The following NTM variants were observed in gnomAD, a reference collection of about 807,000 sequenced individuals.
NTM encodes IgLON family member 2.
A neutral mutation model predicts 42.1 loss-of-function variants in NTM; 13 were observed. That is an observed-to-expected ratio of 0.31 (90% CI 0.20 to 0.49). The LOEUF (loss-of-function observed/expected upper bound fraction) is 0.49. Among genes scored for constraint, NTM ranks in the 20% least tolerant of loss-of-function variants. The probability of loss-of-function intolerance (pLI) is 0.99; values close to 1 mark genes in which losing one functional copy is unlikely to be tolerated. For synonymous variants in NTM, 187 were observed against 179.2 expected, an observed-to-expected ratio of 1.04 and a Z score of -0.35; for missense variants, 373 against 452.8, an observed-to-expected ratio of 0.82 and a Z score of 1.60.
intron 1 of NTM, among the ~76,000 whole-genome samples, chr11:131,780,814 G>A (rs2087949539): frequency 6.6e-6 from 1 of 152,150 alleles, no homozygotes; most frequent in Non-Finnish European, 1.5e-5. Context: ...GGAAGGTGAG[G>A]CTGTGATGGA....
At chr11:132,008,706 A>G (rs1420358338) in intron 2 of NTM, among the ~76,000 whole-genome samples, 1 of 151,996 alleles carries the variant, frequency 6.6e-6, no homozygotes, top group African/African-American at 2.4e-5. Flanking sequence ...GCTCACAAAG[A>G]TTAAAATCAT....
intron 1 of NTM, among the ~76,000 whole-genome samples, chr11:131,653,294 T>G (rs2066750295): frequency 6.6e-6 from 1 of 151,516 alleles, no homozygotes. Flanking sequence ...CTCTTAGCCT[T>G]CAGAAACAGA....
At chr11:131,589,239 G>A (rs1474984699) in intron 1 of NTM, among the ~76,000 whole-genome samples, 1 of 151,552 alleles carries the variant, frequency 6.6e-6, no homozygotes, top group Admixed American at 6.6e-5. Context: ...GAGGCTAGAA[G>A]TCAGAAGACC....
At chr11:132,321,329 T>TC (rs2095563745) in intron 7 of NTM, among the ~76,000 whole-genome samples, 1 of 151,994 alleles carries the variant, frequency 6.6e-6, no homozygotes, top group Admixed American at 6.6e-5. Context: ...GAGAAGTGCT[T>TC]AAAGGAGCTG....
At chr11:131,956,693 C>G (rs1040571746) in intron 2 of NTM, among the ~76,000 whole-genome samples, 4 of 150,752 alleles carry the variant, frequency 2.7e-5, no homozygotes, top group African/African-American at 1.0e-4. Flanking sequence ...GCCCACAATT[C>G]CACTCACTTA....
intron 1 of NTM, among the ~76,000 whole-genome samples, chr11:131,577,726 A>G (rs2058057053): frequency 6.6e-6 from 1 of 152,166 alleles, no homozygotes; most frequent in Admixed American, 6.5e-5. Flanking sequence ...TTCAAAACCA[A>G]TGCTCTAAAG....
chr11:131,821,767 G>C (rs1048963468), intron 1 of NTM, among the ~76,000 whole-genome samples: 1 of 152,128 alleles, frequency 6.6e-6, no homozygotes, highest in Non-Finnish European at 1.5e-5. Context: ...CTCTTTGTTT[G>C]GATTCCAAAT....
intron 4 of NTM, among the ~76,000 whole-genome samples, chr11:132,253,844 C>T (rs2092228005): frequency 6.6e-6 from 1 of 152,204 alleles, no homozygotes; most frequent in African/African-American, 2.4e-5. Context: ...CAGCTCGGCC[C>T]CTCTATGAGG....
intron 4 of NTM, among the ~76,000 whole-genome samples, chr11:132,231,406 G>A (rs973030926): frequency 3.3e-5 from 5 of 152,156 alleles, no homozygotes; most frequent in Admixed American, 1.3e-4. Context: ...ATTTAATAGC[G>A]ATAGCGAATG....
intron 1 of NTM, among the ~76,000 whole-genome samples, chr11:131,500,444 GGTAA>G (rs2046596007): frequency 1.3e-5 from 2 of 151,014 alleles, no homozygotes; most frequent in South Asian, 4.2e-4. Flanking sequence ...AGTCCTGCTA[GGTAA>G]GTAAGTATGC....
chr11:131,612,157 C>T lies in NTM; in HGVS notation c.82+241269C>T, dbSNP rs1172520489. Among the ~76,000 whole-genome samples the T allele has an allele frequency of 2.0e-5, 3 of 152,184 alleles. No individual in the cohort carries two copies. The East Asian group carries it at 5.8e-4, about 29-fold the overall frequency. ...CTCAGTCATCACCAGCACTGATTTG[C>T]CAGCCATGTACATGGGCCACCTTGG... On this transcript the variant is annotated intron_variant, in intron 1 of 8. Coordinates refer to ENST00000683400, the MANE Select transcript of NTM (RefSeq NM_001352005.2).
intron 2 of NTM, among the ~76,000 whole-genome samples, chr11:132,098,888 G>A (rs529861747): frequency 5.3e-5 from 8 of 152,320 alleles, no homozygotes; most frequent in Non-Finnish European, 7.3e-5. Flanking sequence ...CTGCAGCTTG[G>A]ACTGTTTTGA....
intron 2 of NTM, among the ~76,000 whole-genome samples, chr11:132,041,231 T>G (rs199894275): frequency 0.011 from 1,545 of 145,490 alleles, 35 homozygotes; most frequent in African/African-American, 0.035. Context: ...GAGAGATAGA[T>G]AGAGAGAGAG....
At chr11:132,240,059 CTCCATCCG>C (rs200066452) in intron 4 of NTM, among the ~76,000 whole-genome samples, 34,326 of 149,644 alleles carry the variant, frequency 0.23, 4,803 homozygotes, top group Middle Eastern at 0.34. Flanking sequence ...CCCTCCATCC[CTCCATCCG>C]TCCATCCATC....
intron 2 of NTM, among the ~76,000 whole-genome samples, chr11:131,926,863 C>T (rs2058025612): frequency 6.6e-6 from 1 of 152,204 alleles, no homozygotes; most frequent in Non-Finnish European, 1.5e-5. Context: ...TTCTTGGGTC[C>T]ACTCTTGTCA....
At chr11:132,287,181 G>C (rs1379968097) in intron 4 of NTM, among the ~76,000 whole-genome samples, 3 of 152,220 alleles carry the variant, frequency 2.0e-5, no homozygotes, top group Non-Finnish European at 2.9e-5. Flanking sequence ...GGCAAGGCCA[G>C]TTTCAGTCCT....
At chr11:131,569,795 G>C (rs2057283998) in intron 1 of NTM, among the ~76,000 whole-genome samples, 1 of 152,050 alleles carries the variant, frequency 6.6e-6, no homozygotes, top group African/African-American at 2.4e-5. Context: ...TGCTCAAGCT[G>C]GTTTCAAACT....
chr11:131,392,829 G>T (rs996211403), intron 1 of NTM, among the ~76,000 whole-genome samples: 1 of 152,162 alleles, frequency 6.6e-6, no homozygotes, highest in Admixed American at 6.5e-5. Flanking sequence ...GAGAACCAAG[G>T]TCTATTATTT....
intron 1 of NTM, among the ~76,000 whole-genome samples, chr11:131,711,931 A>G (rs1281711257): frequency 7.5e-6 from 1 of 133,692 alleles, no homozygotes; most frequent in Non-Finnish European, 1.5e-5. Flanking sequence ...GAATTGAACA[A>G]TGAGAACACA....
Sources: gnomAD v4.1 joint callset for allele counts (sites outside exome capture counted in the v4.1 genomes callset) on GRCh38, gnomAD v4.1.1 for gene constraint, MANE v1.5 for transcripts, NCBI Gene and HGNC (gene_info 2026-07-23, HGNC 2026-07-21) for gene names.